GPM6A: variants seen among roughly 807,000 people sequenced by gnomAD.
The protein encoded by GPM6A is glycoprotein M6A, also known as neuronal membrane glycoprotein M6-a.
In GPM6A, 7 loss-of-function variants were observed where a neutral mutation model predicts 32.1. The observed-to-expected ratio is 0.22, with a 90% CI of 0.12 to 0.41. The LOEUF is 0.41. Ranked by LOEUF, GPM6A falls within the 10% of genes least tolerant of loss-of-function variation. GPM6A has a pLI of 1.00. For synonymous variants in GPM6A, 130 were observed against 123.4 expected, an observed-to-expected ratio of 1.05 and a Z score of -0.35; for missense variants, 235 against 347.2, an observed-to-expected ratio of 0.68 and a Z score of 2.57.
chr4:175,671,537 G>A (rs1306721053), intron 3 of GPM6A, among the ~76,000 whole-genome samples: 1 of 136,860 alleles, frequency 7.3e-6, no homozygotes, highest in Non-Finnish European at 1.5e-5. Context: ...ATAAGTAGCA[G>A]GAGAGGGTGG....
intron 3 of GPM6A, among the ~76,000 whole-genome samples, chr4:175,654,742 A>G (rs901012590): frequency 5.9e-5 from 9 of 152,106 alleles, no homozygotes; most frequent in Admixed American, 2.0e-4. Flanking sequence ...GGGGGAAAAA[A>G]TCTTTTTTAT....
intron 1 of GPM6A, among the ~76,000 whole-genome samples, chr4:175,731,267 G>GTCC (rs1313250029): frequency 6.6e-6 from 1 of 151,956 alleles, no homozygotes; most frequent in Non-Finnish European, 1.5e-5. Flanking sequence ...AATCCTTGAG[G>GTCC]TCCTCCCTGA....
At chr4:175,724,694 A>G (rs930646393) in intron 1 of GPM6A, among the ~76,000 whole-genome samples, 3 of 152,166 alleles carry the variant, frequency 2.0e-5, no homozygotes, top group Admixed American at 1.3e-4. Flanking sequence ...ATGCATGGCA[A>G]TAAAACTGAG....
intron 1 of GPM6A, among the ~76,000 whole-genome samples, chr4:175,955,453 G>T (rs1177404686): frequency 6.6e-6 from 1 of 152,136 alleles, no homozygotes; most frequent in Admixed American, 6.5e-5. Context: ...GATTTTAGTA[G>T]GACTGGAACA....
intron 3 of GPM6A, among the ~76,000 whole-genome samples, chr4:175,669,838 A>G (rs1195457147): frequency 1.3e-5 from 2 of 152,170 alleles, no homozygotes; most frequent in African/African-American, 2.4e-5. Context: ...GTCCTTATAA[A>G]AAAAGGGGAA....
At chr4:175,767,329 G>T (rs1733011905) in intron 1 of GPM6A, among the ~76,000 whole-genome samples, 1 of 152,164 alleles carries the variant, frequency 6.6e-6, no homozygotes, top group Admixed American at 6.6e-5. Flanking sequence ...TTGTGAGAAG[G>T]TGACACTCCT....
intron 1 of GPM6A, among the ~76,000 whole-genome samples, chr4:175,734,988 A>G (rs1392000688): frequency 1.3e-5 from 2 of 152,234 alleles, no homozygotes; most frequent in African/African-American, 4.8e-5. Flanking sequence ...ATGAACAATT[A>G]TTGAATGCTT....
chr4:175,995,929 T>C (rs1264282662), intron 1 of GPM6A, among the ~76,000 whole-genome samples: 1 of 146,226 alleles, frequency 6.8e-6, no homozygotes, highest in Non-Finnish European at 1.5e-5. Flanking sequence ...CATTTCTCAT[T>C]GGGATGTGGC....
intron 1 of GPM6A, among the ~76,000 whole-genome samples, chr4:175,826,731 T>G (rs1215561240): frequency 1.3e-5 from 2 of 151,988 alleles, no homozygotes; most frequent in African/African-American, 4.8e-5. Flanking sequence ...GCTTCCTGAG[T>G]TTTTTATTAA....
intron 1 of GPM6A, among the ~76,000 whole-genome samples, chr4:175,828,334 T>C (rs1560954326): frequency 6.6e-6 from 1 of 152,338 alleles, no homozygotes; most frequent in Non-Finnish European, 1.5e-5. Context: ...GTTAATTGTG[T>C]CAAAAATTTA....
chr4:175,671,477 GAAAAAAAAAAAA>G (rs544889132), intron 3 of GPM6A, among the ~76,000 whole-genome samples: 3 of 24,394 alleles, frequency 1.2e-4, no homozygotes, highest in Admixed American at 8.6e-4. Flanking sequence ...GCCTACAAAC[GAAAAAAAAAAAA>G]AAAAAAAAAA....
intron 2 of GPM6A, among the ~76,000 whole-genome samples, chr4:175,690,269 G>A (rs1744223558): frequency 1.3e-5 from 2 of 152,190 alleles, no homozygotes; most frequent in Non-Finnish European, 2.9e-5. Context: ...TAAATTATTG[G>A]TGGCAATTAT....
intron 2 of GPM6A, among the ~76,000 whole-genome samples, chr4:175,688,724 C>A (rs1354669817): frequency 6.6e-6 from 1 of 152,170 alleles, no homozygotes; most frequent in Admixed American, 6.5e-5. Context: ...TAGATCATTA[C>A]ACATTGTAAG....
chr4:175,714,359 A>G (rs79689281), intron 1 of GPM6A, among the ~76,000 whole-genome samples: 3,312 of 152,276 alleles, frequency 0.022, 67 homozygotes, highest in Non-Finnish European at 0.035. Context: ...ATCAGAAACA[A>G]TATCAAGACT....
chr4:175,853,954 T>G (rs1218856760), intron 1 of GPM6A, among the ~76,000 whole-genome samples: 1 of 152,144 alleles, frequency 6.6e-6, no homozygotes, highest in East Asian at 1.9e-4. Flanking sequence ...TGAAACTAAA[T>G]GCAGGCTGCC....
chr4:175,747,346 A>C (rs780512728), intron 1 of GPM6A, among the ~76,000 whole-genome samples: 5 of 152,042 alleles, frequency 3.3e-5, no homozygotes, highest in Non-Finnish European at 2.9e-5. Context: ...GACTGAATTA[A>C]ATATTACATC....
At chr4:175,903,737 T>A (rs1014287786) in intron 1 of GPM6A, among the ~76,000 whole-genome samples, 2 of 152,080 alleles carry the variant, frequency 1.3e-5, no homozygotes, top group African/African-American at 4.8e-5. Context: ...TTTTTTTAAA[T>A]CTCAAGATTA....
rs190424984 is a variant in GPM6A, at chr4:175,857,618, C to T, written c.-22-45369G>A. On this transcript the variant is annotated intron_variant, in intron 1 of 7. Coordinates refer to the GPM6A transcript ENST00000280187. ...CATTAGATGCACGTGGTCTGAATTC[C>T]GTAATACTTTCAGGAAAAGCCATTT... 3.3e-3 allele frequency among the ~76,000 whole-genome samples: 497 copies of T among 152,002 alleles called. 8 individuals are homozygous for T. Among genetic ancestry groups the T allele is most frequent in the Non-Finnish European group, 6.6e-4 (45 of 67,962 alleles).
chr4:175,637,929 C>T (rs116433323), intron 6 of GPM6A, among the ~76,000 whole-genome samples: 5,558 of 130,082 alleles, frequency 0.043, 152 homozygotes, highest in Admixed American at 0.079. Flanking sequence ...AATACTGAAA[C>T]TCAAGGTCAC....
Sources: gnomAD v4.1 joint callset for allele counts (sites outside exome capture counted in the v4.1 genomes callset) on GRCh38, gnomAD v4.1.1 for gene constraint, MANE v1.5 for transcripts, NCBI Gene and HGNC (gene_info 2026-07-23, HGNC 2026-07-21) for gene names.